ZFYVE28: variants seen among roughly 807,000 people sequenced by gnomAD.
The protein encoded by ZFYVE28 is zinc finger FYVE-type containing 28.
Under a neutral mutation model 82.1 loss-of-function variants are expected in ZFYVE28, and 40 were observed. That is an observed-to-expected ratio of 0.49 (90% CI 0.38 to 0.63). The LOEUF (loss-of-function observed/expected upper bound fraction) is 0.63. Ranked by LOEUF, ZFYVE28 falls within the 30% of genes least tolerant of loss-of-function variation. The pLI, the probability that ZFYVE28 is intolerant of heterozygous loss-of-function variation, is 0.00. For synonymous variants in ZFYVE28, 612 were observed against 546.1 expected, an observed-to-expected ratio of 1.12 and a Z score of -1.68; for missense variants, 1,321 against 1,242.1, an observed-to-expected ratio of 1.06 and a Z score of -0.96.
chr4:2,332,118 G>T lies in ZFYVE28; in HGVS notation c.701+3587C>A, dbSNP rs998209727. 3.9e-5 allele frequency among the ~76,000 whole-genome samples: 6 copies of T among 152,256 alleles called. No homozygotes were observed. The highest frequency in any genetic ancestry group is 1.3e-4 in the Admixed American group (2 of 15,298). ...CTGGAGAAGGGACTGGGGCTCTCGG[G>T]CAGCAGCACAGTCACGGGCAGGAGC... On this transcript the variant is annotated intron_variant, in intron 6 of 12. Transcript: ENST00000290974. This position sits in a 1 kb window ranked among gnomAD's most constrained non-coding sequence, Gnocchi z 4.7.
rs1733056244 is a variant in ZFYVE28 at position 2,416,541 on chromosome 4, A to G, written c.39+1744T>C. On this transcript the variant is annotated intron_variant, in intron 1 of 12. Transcript: ENST00000290974. This position sits in a 1 kb window ranked among gnomAD's most constrained non-coding sequence, Gnocchi z 4.6. Reference sequence around the variant, plus strand: ...ACTTGGTTTTCAGTAACTGGTGAGGAAAAGTCACTGGAACCAAACACCATT... The same window carrying G: ...ACTTGGTTTTCAGTAACTGGTGAGGGAAAGTCACTGGAACCAAACACCATT... Among the ~76,000 whole-genome samples, 1 of 152,178 alleles carries G rather than the reference A, an allele frequency of 6.6e-6. No homozygotes were observed. The highest frequency in any genetic ancestry group is 1.5e-5 in the Non-Finnish European group (1 of 68,024).
At chr4:2,315,887 T>G (rs1489502259) in intron 7 of ZFYVE28, among the ~76,000 whole-genome samples, 1 of 152,174 alleles carries the variant, frequency 6.6e-6, no homozygotes, top group Non-Finnish European at 1.5e-5. Context: ...TTTTCTCTCT[T>G]TCTGGGATTC....
chr4:2,337,315 G>T, intron 5 of ZFYVE28, 92 bp downstream of exon 5: 1 of 1,138,442 alleles, frequency 8.8e-7, no homozygotes, highest in Non-Finnish European at 1.2e-6. Flanking sequence ...AGACACAGCA[G>T]GTTCCCCCAG....
chr4:2,401,116 G>C (rs951192302), intron 1 of ZFYVE28, among the ~76,000 whole-genome samples: 2 of 152,182 alleles, frequency 1.3e-5, no homozygotes, highest in African/African-American at 4.8e-5. Context: ...AGGCTGGGCA[G>C]GTGGGCCGTC....
chr4:2,414,040 C>T (rs1642682023), intron 1 of ZFYVE28, among the ~76,000 whole-genome samples: 1 of 152,260 alleles, frequency 6.6e-6, no homozygotes, highest in South Asian at 2.1e-4. Flanking sequence ...CAGACCTTGC[C>T]CCACCCCCCA....
intron 1 of ZFYVE28, among the ~76,000 whole-genome samples, chr4:2,404,250 A>G (rs1478454791): frequency 7.2e-6 from 1 of 138,176 alleles, no homozygotes; most frequent in Non-Finnish European, 1.5e-5. Context: ...TGAACCCGGG[A>G]GGCGGAGCCT....
chr4:2,412,512 C>A (rs1732626384), intron 1 of ZFYVE28, among the ~76,000 whole-genome samples: 1 of 152,186 alleles, frequency 6.6e-6, no homozygotes, highest in African/African-American at 2.4e-5. Flanking sequence ...CGAGAATTCC[C>A]AGCCAGGCCC....
In ZFYVE28 at chr4:2,372,502, C is replaced by T. The variant is rs1727672630; in HGVS notation, c.40-18429G>A. Among the ~76,000 whole-genome samples, 1 of 152,158 alleles carries T rather than the reference C, an allele frequency of 6.6e-6. No homozygotes were observed. Among genetic ancestry groups the T allele is most frequent in the Admixed American group, 6.5e-5 (1 of 15,290 alleles). On this transcript the variant is annotated intron_variant, in intron 1 of 12. Coordinates refer to ENST00000290974, the MANE Select transcript of ZFYVE28 (RefSeq NM_020972.3). This position sits in a 1 kb window ranked among gnomAD's most constrained non-coding sequence, Gnocchi z 5.2. ...CGGGTCTCTGCCTGGACGTCACCAT[C>T]ATCGAGGCCTCCTAGCCCCTCCAGC...
At chr4:2,348,865 G>C (rs780078836) in intron 2 of ZFYVE28, among the ~76,000 whole-genome samples, 2 of 152,060 alleles carry the variant, frequency 1.3e-5, no homozygotes, top group Admixed American at 6.5e-5. Flanking sequence ...ATTCCCAGCT[G>C]GTTCTCTGAT....
In ZFYVE28 at chr4:2,304,297, C is replaced by G; in HGVS notation, c.2043G>C (p.Ser681=). 6.3e-7 allele frequency: 1 copy of G among 1,575,100 alleles called. No homozygotes were observed. Among genetic ancestry groups the G allele is most frequent in the Non-Finnish European group, 8.6e-7 (1 of 1,167,602 alleles). Residue 681 remains serine (S), a synonymous_variant, in exon 8 of 13, where the codon TCG becomes TCC. Coordinates refer to ENST00000290974, the MANE Select transcript of ZFYVE28 (RefSeq NM_020972.3). ...GCCAGACTGGCTCTTACCTGGAGCC[C>G]GACAGGGCCTGAGGCGCCTCGTGAG... is the stretch of plus-strand genomic sequence containing the variant. ...PSAHEAPQAL[S]GSSSSTAGSC... is the part of the protein sequence containing the mutation.
rs183517618 is a variant in ZFYVE28, at chr4:2,304,302, G to A, written c.2038C>T (p.Leu680=). The A allele has an allele frequency of 1.3e-6, 2 of 1,582,060 alleles. No homozygotes were observed. The highest frequency in any genetic ancestry group is 1.8e-5 in the Admixed American group (1 of 55,924). ...ACTGGCTCTTACCTGGAGCCCGACA[G>A]GGCCTGAGGCGCCTCGTGAGCCGAG... ...SPSAHEAPQA[L]SGSSSSTAGS... The change falls in exon 8 of 13, where the codon CTG becomes TTG. Residue 680 remains leucine, a synonymous_variant. Transcript: ENST00000290974.
chr4:2,342,977 T>G (rs755336515), intron 2 of ZFYVE28: 1 of 152,242 alleles, frequency 6.6e-6, no homozygotes, highest in Non-Finnish European at 1.5e-5. Context: ...AATACTGCCT[T>G]CTGCTGTTGT....
chr4:2,274,092 G>T lies in ZFYVE28; in HGVS notation c.2176C>A (p.Leu726Ile). The T allele has an allele frequency of 1.9e-6, 3 of 1,614,110 alleles. No individual in the cohort carries two copies. Among genetic ancestry groups the T allele is most frequent in the Non-Finnish European group, 2.5e-6 (3 of 1,180,028 alleles). The change falls in exon 9 of 13, where the codon CTC becomes ATC. Residue 726 changes from leucine to isoleucine, a missense_variant. By Grantham distance (5) the Leu-to-Ile change is conservative. This residue lies in a region of ZFYVE28 where 978 missense variants were observed against 833.7 expected (regional missense o/e 1.17). Coordinates refer to ENST00000290974, the MANE Select transcript of ZFYVE28 (RefSeq NM_020972.3). ...IRSRFHGSHD[L>I]IHRLFVCISG... ...ATGCAGACGAACAGGCGGTGGATGAGGTCGTGGCTGCCGTGGAACCTGGAC... is the reference window on the plus strand; with the variant it reads ...ATGCAGACGAACAGGCGGTGGATGATGTCGTGGCTGCCGTGGAACCTGGAC...
intron 2 of ZFYVE28, among the ~76,000 whole-genome samples, chr4:2,342,363 T>G (rs1722955830): frequency 6.6e-6 from 1 of 152,318 alleles, no homozygotes. Flanking sequence ...CCAGGTCCCC[T>G]TCTGTAAGCC....
At chr4:2,402,637 A>G (rs1731322390) in intron 1 of ZFYVE28, among the ~76,000 whole-genome samples, 1 of 152,218 alleles carries the variant, frequency 6.6e-6, no homozygotes, top group Non-Finnish European at 1.5e-5. Context: ...GGAACGCGGT[A>G]GACAGTCGCA....
At chr4:2,306,170 C>G (rs761633696) in intron 7 of ZFYVE28, among the ~76,000 whole-genome samples, 1 of 152,256 alleles carries the variant, frequency 6.6e-6, no homozygotes, top group Non-Finnish European at 1.5e-5. Flanking sequence ...GCATTGAGGC[C>G]GAGACCCAAA....
intron 6 of ZFYVE28, among the ~76,000 whole-genome samples, chr4:2,327,670 T>A (rs2108843896): frequency 6.6e-6 from 1 of 152,328 alleles, no homozygotes; most frequent in South Asian, 2.1e-4. Flanking sequence ...TTTTATCAAA[T>A]GCTTTTTCTG....
chr4:2,271,322 T>C lies in ZFYVE28; in HGVS notation c.2521A>G (p.Ser841Gly). 6.2e-7 allele frequency: 1 copy of C among 1,612,824 alleles called. No homozygotes were observed. Reference protein sequence around the residue: ...TVIRRKHHCRSCGKIFCSRCS... With the variant: ...TVIRRKHHCRGCGKIFCSRCS... ...GGGGTCTCACCCACCTTCCCACAGCTGCGGCAGTGGTGCTTCCGGCGGATG... is the reference window on the plus strand; with the variant it reads ...GGGGTCTCACCCACCTTCCCACAGCCGCGGCAGTGGTGCTTCCGGCGGATG... The change falls in exon 12 of 13, where the codon AGC becomes GGC. Residue 841 changes from serine to glycine, a missense_variant. Transcript: ENST00000290974.
chr4:2,293,006 C>G (rs912235739), intron 8 of ZFYVE28, among the ~76,000 whole-genome samples: 7 of 151,880 alleles, frequency 4.6e-5, no homozygotes, highest in Non-Finnish European at 1.0e-4. Context: ...ATCATTGTGA[C>G]TTATTACATT....
Sources: gnomAD v4.1 joint callset for allele counts (sites outside exome capture counted in the v4.1 genomes callset) on GRCh38, gnomAD v4.1.1 for gene constraint, gnomAD v4.1.1 regional missense constraint, Gnocchi (gnomAD v3.1) non-coding constraint, MANE v1.5 for transcripts, NCBI Gene and HGNC (gene_info 2026-07-23, HGNC 2026-07-21) for gene names.